The following MCUB variants were observed in gnomAD, a reference collection of about 807,000 sequenced individuals.
MCUB encodes the protein calcium uniporter regulatory subunit MCUb, mitochondrial.
Under a neutral mutation model 41.4 loss-of-function variants are expected in MCUB, and 46 were observed. The ratio of observed to expected loss-of-function variants is 1.11; its 90% CI spans 0.88 to 1.42. The LOEUF (loss-of-function observed/expected upper bound fraction) is 1.42, where lower values mean the gene tolerates loss of function less well. MCUB is among the 40% of genes most tolerant of loss of function. MCUB has a pLI of 0.00. For synonymous variants in MCUB, 148 were observed against 148.2 expected (o/e 1.00, Z 0.01); for missense variants, 403 against 404.9 (o/e 1.00, Z 0.04).
chr4:109,639,942 G>A (rs1269493375), intron 1 of MCUB, among the ~76,000 whole-genome samples: 5 of 152,176 alleles, frequency 3.3e-5, no homozygotes, highest in African/African-American at 9.7e-5. Flanking sequence ...GGTGTCACGT[G>A]CGTTTGTATG....
intron 1 of MCUB, among the ~76,000 whole-genome samples, chr4:109,626,007 TATC>T (rs1376450620): frequency 1.3e-5 from 2 of 152,228 alleles, no homozygotes; most frequent in African/African-American, 2.4e-5. Flanking sequence ...AGCCTTTTTC[TATC>T]ATCATTTTAG....
At position 109,682,736 on chromosome 4, in the gene MCUB, TG is replaced by T. The variant is rs759939860; in HGVS notation, c.607del (p.Glu203AsnfsTer3). On this transcript the variant is annotated frameshift_variant, in exon 5 of 8. Coordinates refer to ENST00000394650, the MANE Select transcript of MCUB (RefSeq NM_017918.5). LOFTEE classifies it high-confidence loss of function. ...DHLKEQLQPL[E>X]QVKAGIEAHS... ...ACCTGAAGGAACAGCTGCAGCCCCT[TG>T]AACAGGTTAGGAAGCATCACGGTTG... 1 of 1,612,674 alleles carries T rather than the reference TG, an allele frequency of 6.2e-7. No homozygotes were observed. Among genetic ancestry groups the T allele is most frequent in the Admixed American group, 1.7e-5 (1 of 59,892 alleles).
intron 1 of MCUB, among the ~76,000 whole-genome samples, chr4:109,620,242 G>A (rs550245775): frequency 6.6e-6 from 1 of 152,020 alleles, no homozygotes. Context: ...CCCAAAACAG[G>A]TTTTCAGAGG....
intron 1 of MCUB, among the ~76,000 whole-genome samples, chr4:109,585,469 A>T (rs530720805): frequency 6.6e-6 from 1 of 152,078 alleles, no homozygotes; most frequent in African/African-American, 2.4e-5. Context: ...ATATTGTTGT[A>T]TGTGAATTTG....
chr4:109,619,030 G>GCCTGCCTGCCTGCCTGCCTGCCTA lies in MCUB; in HGVS notation c.100-39978_100-39977insGCCTGCCTGCCTGCCTGCCTACCT, dbSNP rs1554017841. Among the ~76,000 whole-genome samples the GCCTGCCTGCCTGCCTGCCTGCCTA allele has an allele frequency of 4.2e-5, 5 of 118,802 alleles. No homozygotes were observed. In the South Asian group the frequency reaches 1.0e-3, roughly 25 times the overall value. The allele number at this position is 118,802 out of a possible 152,430, so 77.9% of individuals were successfully genotyped here. ...TACCTACCTACCTATCTACCTGCCTGCCTACCTACCTACCTACCTACCTAC... is the reference window on the plus strand; with the variant it reads ...TACCTACCTACCTATCTACCTGCCTGCCTGCCTGCCTGCCTGCCTGCCTACCTACCTACCTACCTACCTACCTAC... On this transcript the variant is annotated intron_variant, in intron 1 of 7. Coordinates refer to ENST00000394650, the MANE Select transcript of MCUB (RefSeq NM_017918.5).
chr4:109,561,420 A>C (rs1247860725), intron 1 of MCUB, among the ~76,000 whole-genome samples: 2 of 151,464 alleles, frequency 1.3e-5, no homozygotes, highest in Non-Finnish European at 2.9e-5. Flanking sequence ...TTCAGTTTCA[A>C]TTGATGCAGG....
At chr4:109,647,657 G>C (rs958229425) in intron 1 of MCUB, among the ~76,000 whole-genome samples, 3 of 152,278 alleles carry the variant, frequency 2.0e-5, no homozygotes, top group Admixed American at 2.0e-4. Flanking sequence ...TCCATGTGCA[G>C]TTTATTTACC....
intron 1 of MCUB, among the ~76,000 whole-genome samples, chr4:109,612,842 C>T (rs759028884): frequency 6.6e-6 from 1 of 152,144 alleles, no homozygotes; most frequent in Non-Finnish European, 1.5e-5. Context: ...TGCGGTGTCT[C>T]ACGCCTGTAA....
chr4:109,613,044 T>G (rs2126133862), intron 1 of MCUB, among the ~76,000 whole-genome samples: 2 of 150,490 alleles, frequency 1.3e-5, no homozygotes, highest in Middle Eastern at 3.4e-3. Context: ...AGGCAGAGCT[T>G]GCAGTGAGCC....
At chr4:109,598,903 A>G (rs915433469) in intron 1 of MCUB, among the ~76,000 whole-genome samples, 1 of 152,222 alleles carries the variant, frequency 6.6e-6, no homozygotes, top group Non-Finnish European at 1.5e-5. Flanking sequence ...AGCTGTTCTG[A>G]ATACAGTAAA....
chr4:109,669,684 G>A (rs1181550188), intron 4 of MCUB, among the ~76,000 whole-genome samples: 1 of 148,644 alleles, frequency 6.7e-6, no homozygotes, highest in African/African-American at 2.5e-5. Context: ...AAAGTTCTTA[G>A]ATGTTCTGTT....
At chr4:109,567,383 T>C (rs1322297116) in intron 1 of MCUB, among the ~76,000 whole-genome samples, 1 of 152,028 alleles carries the variant, frequency 6.6e-6, no homozygotes, top group Non-Finnish European at 1.5e-5. Flanking sequence ...TATGTGTTCC[T>C]GTGGGGCATG....
At chr4:109,592,234 AC>A (rs1727452942) in intron 1 of MCUB, among the ~76,000 whole-genome samples, 1 of 151,234 alleles carries the variant, frequency 6.6e-6, no homozygotes, top group South Asian at 2.1e-4. Context: ...ATATGGCGAA[AC>A]CCCATCTCTA....
intron 1 of MCUB, among the ~76,000 whole-genome samples, chr4:109,565,730 A>G (rs1479240477): frequency 1.3e-5 from 2 of 152,214 alleles, no homozygotes; most frequent in East Asian, 3.8e-4. Context: ...ATAATCCTGA[A>G]TAAGAAATAC....
At chr4:109,592,940 G>T (rs968039212) in intron 1 of MCUB, among the ~76,000 whole-genome samples, 1 of 152,158 alleles carries the variant, frequency 6.6e-6, no homozygotes, top group Non-Finnish European at 1.5e-5. Flanking sequence ...AAAAAAACAT[G>T]TTTAAGGTAT....
chr4:109,613,631 G>C (rs1361574691), intron 1 of MCUB, among the ~76,000 whole-genome samples: 1 of 152,138 alleles, frequency 6.6e-6, no homozygotes, highest in Non-Finnish European at 1.5e-5. Context: ...ATGTAATCAT[G>C]GAAGACGCAT....
chr4:109,585,052 A>C (rs972210875), intron 1 of MCUB, among the ~76,000 whole-genome samples: 2 of 152,250 alleles, frequency 1.3e-5, no homozygotes, highest in Admixed American at 1.3e-4. Flanking sequence ...TTGGGTGTTA[A>C]AGTCTGCCAC....
intron 4 of MCUB, chr4:109,681,367 G>T (rs1157339838): frequency 1.5e-5 from 6 of 400,526 alleles, no homozygotes; most frequent in Non-Finnish European, 3.0e-5. Context: ...AGATTCCTCT[G>T]GTGCAGTCTC....
At chr4:109,583,924 T>C (rs1247066197) in intron 1 of MCUB, among the ~76,000 whole-genome samples, 2 of 152,288 alleles carry the variant, frequency 1.3e-5, no homozygotes, top group East Asian at 3.9e-4. Context: ...AACTTGATCG[T>C]GGTGGATAAG....
Sources: allele counts gnomAD v4.1 joint callset (sites outside exome capture counted in the v4.1 genomes callset), GRCh38; gene constraint gnomAD v4.1.1; transcripts MANE v1.5; gene names NCBI Gene and HGNC (gene_info 2026-07-23, HGNC 2026-07-21).